Variants in AXDND1 observed in about 807,000 individuals in gnomAD.
The protein encoded by AXDND1 is axonemal dynein light chain domain-containing protein 1.
In AXDND1, 110 loss-of-function variants were observed where a neutral mutation model predicts 137.5. The ratio of observed to expected loss-of-function variants is 0.80; its 90% CI spans 0.69 to 0.94. The LOEUF is 0.94. Ranked by LOEUF, AXDND1 falls within the 40% of genes least tolerant of loss-of-function variation. AXDND1 has a pLI of 0.00. For missense variants in AXDND1, 1,191 were observed against 1,169.8 expected, an observed-to-expected ratio of 1.02 and a Z score of -0.26; for synonymous variants, 414 against 399.7, an observed-to-expected ratio of 1.04 and a Z score of -0.43.
chr1:179,466,851 G>C (rs532091489), intron 16 of AXDND1, among the ~76,000 whole-genome samples: 22 of 152,210 alleles, frequency 1.4e-4, no homozygotes, highest in African/African-American at 4.1e-4. Flanking sequence ...AGGTCATTTA[G>C]TGCAGGCACG....
intron 23 of AXDND1, 55 bp from the exon 24 acceptor site, chr1:179,533,740 G>T: frequency 7.4e-7 from 1 of 1,343,110 alleles, no homozygotes; most frequent in Non-Finnish European, 1.1e-6. Context: ...TAAAAAAGTA[G>T]AATACTAATT....
chr1:179,411,385 C>A, intron 12 of AXDND1, 119 bp downstream of exon 12: 4 of 1,337,786 alleles, frequency 3.0e-6, no homozygotes, highest in Non-Finnish European at 4.1e-6. Flanking sequence ...CACTCTGTTG[C>A]TTAGGCTGGA....
At chr1:179,392,830 C>G (rs1347912820) in intron 9 of AXDND1, among the ~76,000 whole-genome samples, 2 of 151,402 alleles carry the variant, frequency 1.3e-5, no homozygotes, top group East Asian at 3.9e-4. Flanking sequence ...CTGTTTTTTT[C>G]TTGCTGATTT....
rs1667420098 is a variant in AXDND1 at position 179,366,504 on chromosome 1, TTTA to T, written c.-1_2del. 8 of 1,605,392 alleles carry T rather than the reference TTTA, an allele frequency of 5.0e-6. No individual in the cohort carries two copies. The highest frequency in any genetic ancestry group is 4.5e-5 in the East Asian group (2 of 44,834). ...ATTACTAAAGAGATAGGAGGCATTG[TTTA>T]TTATGTCTCTCCCGAAAACGCCCTC... is the stretch of plus-strand genomic sequence containing the variant. On this transcript the variant is annotated 5_prime_UTR_variant, in exon 2 of 26. Coordinates refer to ENST00000367618, the MANE Select transcript of AXDND1 (RefSeq NM_144696.6).
chr1:179,526,128 A>G (rs999603012), intron 22 of AXDND1, among the ~76,000 whole-genome samples: 1 of 151,696 alleles, frequency 6.6e-6, no homozygotes, highest in Non-Finnish European at 1.5e-5. Context: ...CCATATTTCT[A>G]CTTCTTCAGC....
chr1:179,388,515 C>T (rs1649570581), intron 9 of AXDND1, among the ~76,000 whole-genome samples: 1 of 152,130 alleles, frequency 6.6e-6, no homozygotes, highest in East Asian at 1.9e-4. Context: ...TGTTCTAGGA[C>T]ATTACTGTCT....
At chr1:179,419,134 T>C (rs570515416) in intron 12 of AXDND1, among the ~76,000 whole-genome samples, 1 of 135,556 alleles carries the variant, frequency 7.4e-6, no homozygotes, top group South Asian at 2.4e-4. Context: ...CTTTCCAGAC[T>C]GGGCAGCCAG....
In AXDND1 at chr1:179,448,286, T is replaced by C. The variant is rs577000155; in HGVS notation, c.1798+3082T>C. On this transcript the variant is annotated intron_variant, in intron 16 of 25. Transcript: ENST00000367618. The stretch of plus-strand genomic sequence containing the variant: ...CTTTGTCCATATCAGTGCTAGCATA[T>C]TGAAAGAGTTTGTTAGAGCTGTTGA... 1.8e-5 allele frequency: 14 copies of C among 769,112 alleles called. No individual in the cohort carries two copies. The African/African-American group carries it at 1.9e-4, about 10-fold the overall frequency. 47.6% of individuals were successfully genotyped at this position (769,112 alleles called of 1,614,324 possible). A position where few individuals can be genotyped will look rare whatever the true frequency, so the allele number is the denominator to read the frequency against.
In AXDND1 at chr1:179,369,996, G is replaced by C. The variant is rs1052038310; in HGVS notation, c.292G>C (p.Asp98His). The change falls in exon 4 of 26, where the codon GAC becomes CAC. Residue 98 changes from aspartate to histidine, a missense_variant. Asp to His is a moderately conservative substitution (Grantham distance 81, BLOSUM62 -1). Transcript: ENST00000367618. ...TPKGTLPRLV[D>H]HVWHHPVRRN... is the part of the protein sequence containing the mutation. ...CCAGGGCACTCTTCCACGCCTTGTA[G>C]ACCATGTCTGGCATCACCCTGTTCG... is the stretch of plus-strand genomic sequence containing the variant. The C allele has an allele frequency of 4.5e-5, 72 of 1,613,806 alleles. 1 individual carries two copies. The East Asian group carries it at 1.6e-3, about 36-fold the overall frequency.
intron 25 of AXDND1, among the ~76,000 whole-genome samples, chr1:179,554,005 C>T (rs997505932): frequency 4.6e-5 from 7 of 151,072 alleles, no homozygotes; most frequent in African/African-American, 1.7e-4. Flanking sequence ...CTCTGCCTCT[C>T]GGGTTCAAGC....
intron 22 of AXDND1, among the ~76,000 whole-genome samples, chr1:179,526,864 A>G (rs1169731673): frequency 6.6e-6 from 1 of 152,202 alleles, no homozygotes; most frequent in East Asian, 1.9e-4. Flanking sequence ...AGGAAATTGG[A>G]CACTCTTAGT....
chr1:179,504,123 A>G (rs927927790), intron 20 of AXDND1, among the ~76,000 whole-genome samples: 1 of 152,216 alleles, frequency 6.6e-6, no homozygotes, highest in East Asian at 1.9e-4. Flanking sequence ...ATTTGAAAAT[A>G]TGCTACTATA....
chr1:179,432,441 T>G (rs201846052), intron 15 of AXDND1, 99 bp downstream of exon 15: 165 of 1,066,738 alleles, frequency 1.5e-4, no homozygotes, highest in African/African-American at 5.5e-4. Flanking sequence ...TTTTTTTTTT[T>G]GGGACGTTGT....
At chr1:179,469,164 A>G (rs1663612321) in intron 17 of AXDND1, among the ~76,000 whole-genome samples, 1 of 151,862 alleles carries the variant, frequency 6.6e-6, no homozygotes, top group African/African-American at 2.4e-5. Context: ...TCCTGACCTC[A>G]GGTGATACGC....
intron 18 of AXDND1, among the ~76,000 whole-genome samples, chr1:179,485,315 A>C (rs1212304971): frequency 1.3e-5 from 2 of 152,166 alleles, no homozygotes; most frequent in African/African-American, 4.8e-5. Context: ...GTCTGGGAAC[A>C]CCTTGGCTCT....
intron 25 of AXDND1, among the ~76,000 whole-genome samples, chr1:179,548,496 A>C (rs2125751942): frequency 6.6e-6 from 1 of 152,306 alleles, no homozygotes; most frequent in South Asian, 2.1e-4. Context: ...CAAGCCCAGA[A>C]GAAGCCGTTG....
chr1:179,465,557 T>C (rs1663016288), intron 16 of AXDND1, among the ~76,000 whole-genome samples: 1 of 152,364 alleles, frequency 6.6e-6, no homozygotes, highest in East Asian at 1.9e-4. Context: ...CCAGTTAGGC[T>C]ACTCGGGGGT....
At position 179,432,352 on chromosome 1, in the gene AXDND1, T is replaced by G; in HGVS notation, c.1563+10T>G. 6.4e-7 allele frequency: 1 copy of G among 1,559,620 alleles called. No individual in the cohort carries two copies. Among genetic ancestry groups the G allele is most frequent in the Non-Finnish European group, 8.7e-7 (1 of 1,150,754 alleles). The stretch of plus-strand genomic sequence containing the variant: ...CAAACAGTGGCAGAAGGTAAGACTT[T>G]TTAATAAAGAGCTTGGCAATCAAAG... On this transcript the variant is annotated intron_variant, in intron 15 of 25. Coordinates refer to ENST00000367618, the MANE Select transcript of AXDND1 (RefSeq NM_144696.6).
At chr1:179,421,777 C>A (rs1216827506) in intron 12 of AXDND1, among the ~76,000 whole-genome samples, 1 of 151,944 alleles carries the variant, frequency 6.6e-6, no homozygotes, top group Non-Finnish European at 1.5e-5. Flanking sequence ...GTGGCTCACA[C>A]CTGTTATCGT....
Sources: allele counts gnomAD v4.1 joint callset (sites outside exome capture counted in the v4.1 genomes callset), GRCh38; gene constraint gnomAD v4.1.1; transcripts MANE v1.5; gene names NCBI Gene and HGNC (gene_info 2026-07-23, HGNC 2026-07-21).